NTM: variants seen among roughly 807,000 people sequenced by gnomAD.
NTM encodes IgLON family member 2.
A neutral mutation model predicts 42.1 loss-of-function variants in NTM; 13 were observed. The observed-to-expected ratio is 0.31, with a 90% CI of 0.20 to 0.49. NTM has a LOEUF of 0.49. NTM is among the 20% of genes least tolerant of loss of function. NTM has a pLI of 0.99. For synonymous variants in NTM, 187 were observed against 179.2 expected, an observed-to-expected ratio of 1.04 and a Z score of -0.35; for missense variants, 373 against 452.8, an observed-to-expected ratio of 0.82 and a Z score of 1.60.
At chr11:131,677,527 C>A (rs945226187) in intron 1 of NTM, among the ~76,000 whole-genome samples, 2 of 152,170 alleles carry the variant, frequency 1.3e-5, no homozygotes, top group Non-Finnish European at 2.9e-5. Flanking sequence ...CGGCTGCATA[C>A]GCAGCCATAC....
At chr11:131,853,620 C>T (rs1019371035) in intron 1 of NTM, among the ~76,000 whole-genome samples, 18 of 152,266 alleles carry the variant, frequency 1.2e-4, no homozygotes, top group South Asian at 8.3e-4. Context: ...AAATATACTA[C>T]GTTTTCTTTA....
At chr11:131,670,150 T>C (rs553062269) in intron 1 of NTM, among the ~76,000 whole-genome samples, 1 of 152,264 alleles carries the variant, frequency 6.6e-6, no homozygotes, top group East Asian at 1.9e-4. Context: ...TATTAAAATA[T>C]CACATCAGCT....
intron 2 of NTM, chr11:131,981,043 C>T (rs2065148795): frequency 6.6e-6 from 1 of 152,092 alleles, no homozygotes; most frequent in Non-Finnish European, 1.5e-5. Context: ...ATGAGGTAAT[C>T]CTTTTATAAC....
chr11:132,146,693 T>TGAAAA lies in NTM; in HGVS notation c.400+179_400+180insGAAAA. On this transcript the variant is annotated intron_variant, in intron 3 of 8. Coordinates refer to ENST00000683400, the MANE Select transcript of NTM (RefSeq NM_001352005.2). This position sits in a 1 kb window ranked among gnomAD's most constrained non-coding sequence, Gnocchi z 4.5. ...AAGCTAAATTTTCCAGTCATTTTCA[T>TGAAAA]TGAGTGGAACTAGGAATTGTTTTTT... 1.8e-6 allele frequency: 1 copy of TGAAAA among 563,806 alleles called. No individual in the cohort carries two copies. The highest frequency in any genetic ancestry group is 3.1e-5 in the South Asian group (1 of 32,780). 34.9% of individuals were successfully genotyped at this position (563,806 alleles called of 1,614,324 possible). A position where few individuals can be genotyped will look rare whatever the true frequency, so the allele number is the denominator to read the frequency against.
chr11:131,712,842 C>T (rs1359118302), intron 1 of NTM, among the ~76,000 whole-genome samples: 1 of 152,028 alleles, frequency 6.6e-6, no homozygotes, highest in East Asian at 1.9e-4. Flanking sequence ...CTCAGGCTCC[C>T]AAATTCCTGG....
At chr11:131,563,189 TG>T (rs1409416872) in intron 1 of NTM, among the ~76,000 whole-genome samples, 2 of 152,216 alleles carry the variant, frequency 1.3e-5, no homozygotes, top group African/African-American at 2.4e-5. Context: ...CCTAGACCTT[TG>T]CTTGAAAGAA....
intron 1 of NTM, among the ~76,000 whole-genome samples, chr11:131,783,406 A>G (rs1485782115): frequency 6.6e-6 from 1 of 152,188 alleles, no homozygotes; most frequent in African/African-American, 2.4e-5. Context: ...TTCCCAAACT[A>G]TACATATGCT....
intron 1 of NTM, among the ~76,000 whole-genome samples, chr11:131,609,240 T>G (rs577538298): frequency 1.3e-5 from 2 of 152,370 alleles, no homozygotes; most frequent in Non-Finnish European, 2.9e-5. Context: ...ACTACCTTCC[T>G]GACAGGTTTT....
chr11:131,987,766 C>G (rs1366591387), intron 2 of NTM, among the ~76,000 whole-genome samples: 1 of 152,134 alleles, frequency 6.6e-6, no homozygotes, highest in Non-Finnish European at 1.5e-5. Flanking sequence ...GAAAAAAAGT[C>G]CAAACACTCA....
At chr11:132,089,203 C>T (rs1259782105) in intron 2 of NTM, among the ~76,000 whole-genome samples, 1 of 152,246 alleles carries the variant, frequency 6.6e-6, no homozygotes, top group Non-Finnish European at 1.5e-5. Context: ...TCCCAAGAAA[C>T]TGTTACCATG....
chr11:131,678,601 C>T (rs2071850394), intron 1 of NTM, among the ~76,000 whole-genome samples: 1 of 152,254 alleles, frequency 6.6e-6, no homozygotes, highest in Admixed American at 6.5e-5. Context: ...CATTCTACTG[C>T]CCAATGCTGC....
chr11:132,198,614 A>G (rs1036861840), intron 3 of NTM, among the ~76,000 whole-genome samples: 1 of 152,226 alleles, frequency 6.6e-6, no homozygotes, highest in African/African-American at 2.4e-5. Context: ...AGTAGATAGT[A>G]GATTCAGGAT....
intron 2 of NTM, among the ~76,000 whole-genome samples, chr11:132,081,758 CT>C (rs904863984): frequency 6.6e-6 from 1 of 151,086 alleles, no homozygotes; most frequent in Non-Finnish European, 1.5e-5. Flanking sequence ...CAGACTGGCT[CT>C]TTAAATCTAC....
chr11:131,668,464 C>CT (rs1203259924), intron 1 of NTM, among the ~76,000 whole-genome samples: 7 of 152,084 alleles, frequency 4.6e-5, no homozygotes, highest in Non-Finnish European at 8.8e-5. Context: ...CTGCTTGTAG[C>CT]TTTGAGTGGA....
intron 1 of NTM, among the ~76,000 whole-genome samples, chr11:131,725,183 A>G (rs2078814181): frequency 6.6e-6 from 1 of 152,246 alleles, no homozygotes; most frequent in African/African-American, 2.4e-5. Flanking sequence ...AAGGGAGGAC[A>G]GAAACCTTAG....
At chr11:131,407,331 T>G (rs1220693044) in intron 1 of NTM, among the ~76,000 whole-genome samples, 1 of 152,196 alleles carries the variant, frequency 6.6e-6, no homozygotes, top group Non-Finnish European at 1.5e-5. Flanking sequence ...AAGACAGCCC[T>G]CTGCACTGGC....
chr11:132,161,860 G>A (rs897769237), intron 3 of NTM, among the ~76,000 whole-genome samples: 1 of 152,168 alleles, frequency 6.6e-6, no homozygotes, highest in African/African-American at 2.4e-5. Context: ...TTGTAGAGAG[G>A]ATAAGATAAT....
chr11:131,503,524 A>G (rs1565573158), intron 1 of NTM, among the ~76,000 whole-genome samples: 1 of 124,976 alleles, frequency 8.0e-6, no homozygotes, highest in Non-Finnish European at 1.7e-5. Context: ...ATTTGAGGTT[A>G]CAATTTTTTT....
At chr11:132,322,969 C>A (rs1368226432) in intron 7 of NTM, among the ~76,000 whole-genome samples, 1 of 139,888 alleles carries the variant, frequency 7.1e-6, no homozygotes. Flanking sequence ...TAAAGATGTT[C>A]TTTGAAACCA....
Sources: gnomAD v4.1 joint callset for allele counts (sites outside exome capture counted in the v4.1 genomes callset) on GRCh38, gnomAD v4.1.1 for gene constraint, Gnocchi (gnomAD v3.1) non-coding constraint, MANE v1.5 for transcripts, NCBI Gene and HGNC (gene_info 2026-07-23, HGNC 2026-07-21) for gene names.